Variants in SV2C observed in about 807,000 individuals in gnomAD.
SV2C encodes the protein solute carrier family 22 member B3.
In SV2C, 49 loss-of-function variants were observed where a neutral mutation model predicts 79.7. That is an observed-to-expected ratio of 0.61 (90% CI 0.49 to 0.78). The LOEUF is 0.78. Ranked by LOEUF, SV2C falls within the 30% of genes least tolerant of loss-of-function variation. The probability of loss-of-function intolerance (pLI) is 0.00; values close to 1 mark genes in which losing one functional copy is unlikely to be tolerated. For missense variants in SV2C, 833 were observed against 912.9 expected, an observed-to-expected ratio of 0.91 and a Z score of 1.13; for synonymous variants, 334 against 333.2, an observed-to-expected ratio of 1.00 and a Z score of -0.03.
chr5:76,144,546 T>C (rs1749360832), intron 2 of SV2C, among the ~76,000 whole-genome samples: 1 of 152,222 alleles, frequency 6.6e-6, no homozygotes, highest in Non-Finnish European at 1.5e-5. Flanking sequence ...CCCAGATGAA[T>C]CTGCCTTTTC....
chr5:75,881,090 C>T, the SV2C span, among the ~76,000 whole-genome samples: 1 of 152,108 alleles, frequency 6.6e-6, no homozygotes, highest in African/African-American at 2.4e-5. Flanking sequence ...CAAGTACTCT[C>T]AACACCAAGG....
chr5:75,952,247 T>TTTCCTTCCGTCC, the SV2C span, among the ~76,000 whole-genome samples: 24 of 144,352 alleles, frequency 1.7e-4, no homozygotes, highest in Non-Finnish European at 2.7e-4. Context: ...TCTCCTGCAT[T>TTTCCTTCCGTCC]TTCCTTCCTT....
At chr5:75,899,374 T>C in the SV2C span, among the ~76,000 whole-genome samples, 3 of 152,246 alleles carry the variant, frequency 2.0e-5, no homozygotes, top group African/African-American at 4.8e-5. Flanking sequence ...TGTAGTTGAG[T>C]GGTTTTGAGT....
At chr5:75,952,310 C>A in the SV2C span, among the ~76,000 whole-genome samples, 1 of 149,814 alleles carries the variant, frequency 6.7e-6, no homozygotes, top group Admixed American at 6.7e-5. Context: ...TTCCTTCCAA[C>A]TTCCTTTCTT....
chr5:75,978,998 A>C, the SV2C span, among the ~76,000 whole-genome samples: 4 of 152,142 alleles, frequency 2.6e-5, no homozygotes, highest in African/African-American at 9.7e-5. Context: ...AAAAATAAAA[A>C]TGCAATGACA....
the SV2C span, among the ~76,000 whole-genome samples, chr5:76,065,068 G>A: frequency 3.9e-4 from 60 of 152,098 alleles, no homozygotes; most frequent in Non-Finnish European, 6.5e-4. Flanking sequence ...TTTTAGCTTC[G>A]CTGGAAAAAA....
intron 1 of SV2C, among the ~76,000 whole-genome samples, chr5:76,097,912 G>A (rs1326517621): frequency 6.6e-6 from 1 of 152,160 alleles, no homozygotes; most frequent in African/African-American, 2.4e-5. Flanking sequence ...TACCTACAGA[G>A]ATGGGTGATC....
intron 2 of SV2C, among the ~76,000 whole-genome samples, chr5:76,135,374 A>T (rs543394943): frequency 4.9e-4 from 75 of 152,316 alleles, no homozygotes; most frequent in African/African-American, 1.8e-3. Context: ...AACACTGCCA[A>T]TGACCTTAAT....
the SV2C span, among the ~76,000 whole-genome samples, chr5:76,029,737 A>T: frequency 1.3e-5 from 2 of 152,204 alleles, no homozygotes; most frequent in Non-Finnish European, 2.9e-5. Context: ...TCTTCTACAG[A>T]TCCAAGAATT....
the SV2C span, among the ~76,000 whole-genome samples, chr5:75,859,108 T>A: frequency 4.9e-4 from 75 of 152,310 alleles, no homozygotes; most frequent in African/African-American, 1.8e-3. Context: ...TTTTTATAAT[T>A]TTTTTCTACT....
the SV2C span, among the ~76,000 whole-genome samples, chr5:75,907,551 G>C: frequency 1.3e-5 from 2 of 152,278 alleles, no homozygotes; most frequent in South Asian, 2.1e-4. Context: ...GAGCCCATGA[G>C]AGAGAGTAAT....
the SV2C span, among the ~76,000 whole-genome samples, chr5:75,852,814 A>G: frequency 5.1e-5 from 7 of 138,200 alleles, no homozygotes; most frequent in African/African-American, 2.1e-4. Context: ...CGACAGAGCG[A>G]GACTCCGTCT....
At chr5:76,280,145 T>C (rs1747138745) in intron 4 of SV2C, among the ~76,000 whole-genome samples, 1 of 152,060 alleles carries the variant, frequency 6.6e-6, no homozygotes, top group Non-Finnish European at 1.5e-5. Flanking sequence ...GAAAAAGGTA[T>C]AAAATGGTTT....
the SV2C span, among the ~76,000 whole-genome samples, chr5:75,996,870 TAAG>T: frequency 3.6e-5 from 5 of 137,410 alleles, no homozygotes; most frequent in Non-Finnish European, 6.5e-5. Flanking sequence ...CTTATCAGCT[TAAG>T]GAGATTTTGG....
chr5:76,286,748 T>C (rs1747370563), intron 6 of SV2C: 2 of 152,200 alleles, frequency 1.3e-5, no homozygotes, highest in South Asian at 2.1e-4. Context: ...CTTCTGATCA[T>C]GGCAGAAGGG....
At chr5:76,060,885 T>C in the SV2C span, among the ~76,000 whole-genome samples, 1 of 152,040 alleles carries the variant, frequency 6.6e-6, no homozygotes, top group African/African-American at 2.4e-5. Flanking sequence ...GGTGTGCAAC[T>C]CTTTCTTTCA....
Position 76,223,798 on chromosome 5 carries a change from G to A in SV2C, c.913+13911G>A, listed in dbSNP as rs1745162237. Among the ~76,000 whole-genome samples the A allele has an allele frequency of 1.3e-5, 2 of 152,036 alleles. 1 individual carries two copies. Among genetic ancestry groups the A allele is most frequent in the South Asian group, 4.1e-4 (2 of 4,820 alleles). ...CTGCCATAACAAGATACCACAGACT[G>A]GGTGGCTTAAACAGCAGAAATTTAT... On this transcript the variant is annotated intron_variant, in intron 4 of 12. Coordinates refer to ENST00000502798, the MANE Select transcript of SV2C (RefSeq NM_014979.4).
At chr5:76,208,565 TTTG>T (rs1744677259) in intron 3 of SV2C, among the ~76,000 whole-genome samples, 1 of 152,224 alleles carries the variant, frequency 6.6e-6, no homozygotes, top group Non-Finnish European at 1.5e-5. Context: ...CTAAATTGCA[TTTG>T]TTAAGAACAC....
chr5:76,110,139 T>G (rs375595583), intron 1 of SV2C, among the ~76,000 whole-genome samples: 3 of 152,342 alleles, frequency 2.0e-5, no homozygotes, highest in African/African-American at 7.2e-5. Context: ...AAGGACTGAC[T>G]TCTATATTTT....
Sources: gnomAD v4.1 joint callset for allele counts (sites outside exome capture counted in the v4.1 genomes callset) on GRCh38, gnomAD v4.1.1 for gene constraint, MANE v1.5 for transcripts, NCBI Gene and HGNC (gene_info 2026-07-23, HGNC 2026-07-21) for gene names.